CACNA2D3: variants seen among roughly 807,000 people sequenced by gnomAD.
CACNA2D3 encodes calcium voltage-gated channel auxiliary subunit alpha2delta 3.
Under a neutral mutation model 160.6 loss-of-function variants are expected in CACNA2D3, and 60 were observed. The observed-to-expected ratio is 0.37, with a 90% CI of 0.30 to 0.46. The LOEUF is 0.46. Ranked by LOEUF, CACNA2D3 falls within the 20% of genes least tolerant of loss-of-function variation. The pLI, the probability that CACNA2D3 is intolerant of heterozygous loss-of-function variation, is 1.00. For synonymous variants in CACNA2D3, 558 were observed against 492.9 expected, an observed-to-expected ratio of 1.13 and a Z score of -1.75; for missense variants, 1,205 against 1,365.0, an observed-to-expected ratio of 0.88 and a Z score of 1.85.
intron 35 of CACNA2D3, among the ~76,000 whole-genome samples, chr3:55,029,892 C>CT (rs1703652741): frequency 6.6e-6 from 1 of 152,202 alleles, no homozygotes; most frequent in African/African-American, 2.4e-5. Flanking sequence ...CTACCATACT[C>CT]AATCTTGTTT....
At chr3:54,599,086 G>A (rs1230627834) in intron 9 of CACNA2D3, among the ~76,000 whole-genome samples, 1 of 152,168 alleles carries the variant, frequency 6.6e-6, no homozygotes, top group African/African-American at 2.4e-5. Flanking sequence ...TGAGTTGCTT[G>A]CAGGTGCGGC....
At chr3:55,027,711 T>A (rs1703594783) in intron 35 of CACNA2D3, among the ~76,000 whole-genome samples, 1 of 151,916 alleles carries the variant, frequency 6.6e-6, no homozygotes, top group South Asian at 2.1e-4. Context: ...GCGCTGGAAA[T>A]TGAGTTTGGT....
At chr3:54,222,374 C>A (rs1701591266) in intron 2 of CACNA2D3, among the ~76,000 whole-genome samples, 1 of 152,152 alleles carries the variant, frequency 6.6e-6, no homozygotes, top group Non-Finnish European at 1.5e-5. Flanking sequence ...AAGCCAATGT[C>A]CTGAAGGCAG....
At chr3:54,842,546 C>T (rs111494834) in intron 16 of CACNA2D3, among the ~76,000 whole-genome samples, 3,966 of 152,096 alleles carry the variant, frequency 0.026, 73 homozygotes, top group Non-Finnish European at 0.04. Context: ...GAAGTACTGC[C>T]TCCAGTTATT....
At chr3:54,339,102 A>G (rs1704459207) in intron 3 of CACNA2D3, among the ~76,000 whole-genome samples, 1 of 152,248 alleles carries the variant, frequency 6.6e-6, no homozygotes, top group African/African-American at 2.4e-5. Context: ...CAATGAAATC[A>G]GAATTCATTG....
intron 2 of CACNA2D3, among the ~76,000 whole-genome samples, chr3:54,182,522 C>A (rs1700802281): frequency 6.6e-6 from 1 of 152,180 alleles, no homozygotes; most frequent in Non-Finnish European, 1.5e-5. Flanking sequence ...GTTGGTAAAA[C>A]TTTGATTCCC....
At chr3:54,912,286 G>A (rs1439723253) in intron 27 of CACNA2D3, among the ~76,000 whole-genome samples, 3 of 152,162 alleles carry the variant, frequency 2.0e-5, no homozygotes, top group Admixed American at 2.0e-4. Flanking sequence ...TATTCTGTTT[G>A]TTTGAAGCGA....
chr3:55,073,762 T>G lies in CACNA2D3; in HGVS notation c.3101-15T>G. ...AAAAAGCAATCCTTGGAAACATGCC[T>G]TAACTACAGTCAACATAATGAATCC... On this transcript the variant is annotated splice_polypyrimidine_tract_variant and intron_variant, in intron 36 of 37. Coordinates refer to ENST00000474759, the MANE Select transcript of CACNA2D3 (RefSeq NM_018398.3). The G allele has an allele frequency of 6.2e-7, 1 of 1,607,822 alleles. No individual in the cohort carries two copies.
chr3:54,849,068 C>G (rs541130826), intron 17 of CACNA2D3, among the ~76,000 whole-genome samples: 6 of 152,248 alleles, frequency 3.9e-5, no homozygotes, highest in Admixed American at 6.5e-5. Context: ...TCAGGTGATT[C>G]AGGTTTTTGT....
At chr3:54,589,846 T>G (rs573263407) in intron 9 of CACNA2D3, among the ~76,000 whole-genome samples, 1 of 152,270 alleles carries the variant, frequency 6.6e-6, no homozygotes, top group Admixed American at 6.5e-5. Context: ...AAAACCACAG[T>G]TAGATATCAC....
At chr3:55,054,847 G>A (rs1358295530) in intron 35 of CACNA2D3, among the ~76,000 whole-genome samples, 2 of 151,968 alleles carry the variant, frequency 1.3e-5, no homozygotes, top group African/African-American at 2.4e-5. Context: ...ATTGTAGCAT[G>A]TGTTTAAATT....
intron 17 of CACNA2D3, among the ~76,000 whole-genome samples, chr3:54,866,655 A>G (rs1400148266): frequency 6.6e-6 from 1 of 152,206 alleles, no homozygotes; most frequent in Non-Finnish European, 1.5e-5. Flanking sequence ...GAACACAGAA[A>G]GAGCAAAGGG....
intron 2 of CACNA2D3, among the ~76,000 whole-genome samples, chr3:54,229,129 C>T (rs530631801): frequency 1.3e-5 from 2 of 152,078 alleles, no homozygotes; most frequent in East Asian, 3.9e-4. Context: ...TTCTATTTTC[C>T]TTGATCTTTG....
At chr3:54,856,269 A>G (rs1699168369) in intron 17 of CACNA2D3, among the ~76,000 whole-genome samples, 1 of 152,186 alleles carries the variant, frequency 6.6e-6, no homozygotes, top group Non-Finnish European at 1.5e-5. Flanking sequence ...AGAATTTATG[A>G]AAGTACCTGG....
At chr3:54,606,515 A>G (rs543949946) in intron 9 of CACNA2D3, among the ~76,000 whole-genome samples, 1 of 152,040 alleles carries the variant, frequency 6.6e-6, no homozygotes, top group South Asian at 2.1e-4. Flanking sequence ...CTTGCTGGCT[A>G]TTGGGATGTG....
chr3:54,837,064 C>A (rs1168990112), intron 14 of CACNA2D3, 95 bp from the exon 15 acceptor site: 6 of 1,030,684 alleles, frequency 5.8e-6, no homozygotes, highest in South Asian at 2.6e-5. Flanking sequence ...CTCAACAGCC[C>A]CTGGTTTGGA....
At chr3:55,002,853 G>C (rs148413762) in intron 31 of CACNA2D3, among the ~76,000 whole-genome samples, 1 of 152,284 alleles carries the variant, frequency 6.6e-6, no homozygotes, top group East Asian at 1.9e-4. Context: ...AGACGACTGT[G>C]TTTAATCCAT....
intron 5 of CACNA2D3, among the ~76,000 whole-genome samples, chr3:54,521,221 G>A (rs1385704706): frequency 1.3e-5 from 2 of 152,204 alleles, no homozygotes; most frequent in Non-Finnish European, 2.9e-5. Flanking sequence ...AGTAATGTAT[G>A]TAGGTTCAGA....
intron 17 of CACNA2D3, among the ~76,000 whole-genome samples, chr3:54,852,811 C>G (rs1699086770): frequency 6.6e-6 from 1 of 152,026 alleles, no homozygotes; most frequent in Non-Finnish European, 1.5e-5. Flanking sequence ...TAAATGCTAA[C>G]TAGACAGTGC....
Sources: gnomAD v4.1 joint callset for allele counts (sites outside exome capture counted in the v4.1 genomes callset) on GRCh38, gnomAD v4.1.1 for gene constraint, MANE v1.5 for transcripts, NCBI Gene and HGNC (gene_info 2026-07-23, HGNC 2026-07-21) for gene names.